The following SYNCRIP variants were observed in gnomAD, a reference collection of about 807,000 sequenced individuals.
SYNCRIP encodes synaptotagmin binding cytoplasmic RNA interacting protein, also known as heterogeneous nuclear ribonucleoprotein Q.
In SYNCRIP, 9 loss-of-function variants were observed where a neutral mutation model predicts 68.9. That is an observed-to-expected ratio of 0.13 (90% CI 0.08 to 0.23). SYNCRIP has a LOEUF of 0.23. Ranked by LOEUF, SYNCRIP falls within the 10% of genes least tolerant of loss-of-function variation. SYNCRIP has a pLI of 1.00. For missense variants in SYNCRIP, 414 were observed against 770.6 expected (o/e 0.54, Z 5.48); for synonymous variants, 258 against 254.0 (o/e 1.02, Z -0.15).
chr6:85,626,651 A>C (rs1426172228), intron 6 of SYNCRIP, among the ~76,000 whole-genome samples: 1 of 152,236 alleles, frequency 6.6e-6, no homozygotes, highest in Non-Finnish European at 1.5e-5. Flanking sequence ...CAGAGAATGG[A>C]AACATTCCAT....
At chr6:85,608,281 A>G (rs1804985246), downstream of SYNCRIP, 1 of 152,228 alleles carries the variant, frequency 6.6e-6, no homozygotes, top group South Asian at 2.1e-4. Flanking sequence ...GTGAAGAGTG[A>G]TGAATTGGAG....
At chr6:85,636,616 G>A (rs1013515864) in intron 6 of SYNCRIP, among the ~76,000 whole-genome samples, 1 of 152,096 alleles carries the variant, frequency 6.6e-6, no homozygotes, top group Non-Finnish European at 1.5e-5. Context: ...TTAAGAAAAA[G>A]AGATGGCTCA....
intron 6 of SYNCRIP, among the ~76,000 whole-genome samples, chr6:85,635,226 C>T (rs1311031320): frequency 6.6e-6 from 1 of 152,022 alleles, no homozygotes; most frequent in Non-Finnish European, 1.5e-5. Flanking sequence ...CTCTAAAATG[C>T]CCCTCCCCTC....
At chr6:85,612,604 T>C (rs1053200737), downstream of SYNCRIP, 4 of 275,944 alleles carry the variant, frequency 1.4e-5, no homozygotes, top group Admixed American at 1.5e-4. Flanking sequence ...TTTATTAAGA[T>C]ACCATGCTAG....
intron 6 of SYNCRIP, among the ~76,000 whole-genome samples, chr6:85,627,463 T>C (rs1312402265): frequency 6.6e-6 from 1 of 152,080 alleles, no homozygotes; most frequent in Non-Finnish European, 1.5e-5. Flanking sequence ...GCTTTTTTTG[T>C]ACGTGTATTT....
chr6:85,616,710 G>A (rs889630816), intron 10 of SYNCRIP, among the ~76,000 whole-genome samples: 6 of 152,040 alleles, frequency 3.9e-5, no homozygotes, highest in African/African-American at 7.2e-5. Flanking sequence ...ATGTTATTCC[G>A]GTTCACTAGG....
At chr6:85,641,496 G>C (rs73485412) in intron 1 of SYNCRIP, 45 bp from the exon 2 acceptor site, 5 of 1,573,750 alleles carry the variant, frequency 3.2e-6, no homozygotes, top group Non-Finnish European at 4.3e-6. Context: ...TCTTCAAAAA[G>C]AATACAAGAC....
At chr6:85,637,392 C>T in intron 4 of SYNCRIP, 36 bp from the exon 5 acceptor site, 1 of 1,277,466 alleles carries the variant, frequency 7.8e-7, no homozygotes, top group Non-Finnish European at 1.1e-6. Flanking sequence ...ACATTTAATT[C>T]ACTAGACCAC....
At chr6:85,609,497 T>C (rs1805081553), downstream of SYNCRIP, 1 of 151,972 alleles carries the variant, frequency 6.6e-6, no homozygotes, top group East Asian at 1.9e-4. Context: ...TCACAGTAAC[T>C]GGTAGAAAAG....
intron 6 of SYNCRIP, among the ~76,000 whole-genome samples, chr6:85,626,518 A>T (rs1323746295): frequency 6.6e-6 from 1 of 152,204 alleles, no homozygotes; most frequent in Non-Finnish European, 1.5e-5. Context: ...ATTAACTATA[A>T]GAAAATACCT....
chr6:85,630,016 G>C (rs1192446599), intron 6 of SYNCRIP, among the ~76,000 whole-genome samples: 1 of 151,236 alleles, frequency 6.6e-6, no homozygotes, highest in Non-Finnish European at 1.5e-5. Context: ...CATCATGACA[G>C]TATACATAAC....
chr6:85,634,202 G>A (rs1583302191), intron 6 of SYNCRIP, among the ~76,000 whole-genome samples: 1 of 152,154 alleles, frequency 6.6e-6, no homozygotes, highest in Admixed American at 6.5e-5. Context: ...CAAGGCAATT[G>A]TACAAATGGA....
intron 10 of SYNCRIP, among the ~76,000 whole-genome samples, chr6:85,616,534 G>A (rs756977360): frequency 5.3e-5 from 8 of 152,092 alleles, no homozygotes; most frequent in Non-Finnish European, 1.2e-4. Context: ...ATGTTGGCCA[G>A]GCTGGTCTCG....
At chr6:85,628,192 A>G (rs183972100) in intron 6 of SYNCRIP, among the ~76,000 whole-genome samples, 143 of 152,228 alleles carry the variant, frequency 9.4e-4, no homozygotes, top group Middle Eastern at 3.4e-3. Flanking sequence ...AGTAGCTGGG[A>G]CCACAGGCGT....
intron 10 of SYNCRIP, among the ~76,000 whole-genome samples, chr6:85,616,709 C>T (rs1414468624): frequency 2.6e-5 from 4 of 152,084 alleles, no homozygotes; most frequent in South Asian, 4.1e-4. Flanking sequence ...AATGTTATTC[C>T]GGTTCACTAG....
At chr6:85,637,399 C>T (rs770488202) in intron 4 of SYNCRIP, 43 bp from the exon 5 acceptor site, 2 of 1,245,460 alleles carry the variant, frequency 1.6e-6, no homozygotes, top group South Asian at 1.3e-5. Context: ...ATTCACTAGA[C>T]CACACCCATA....
upstream of SYNCRIP, chr6:85,643,038 T>G (rs534303588): frequency 5.9e-5 from 7 of 118,670 alleles, no homozygotes; most frequent in Admixed American, 2.8e-4. Flanking sequence ...CCCTCGCGCG[T>G]CCGCTTCACT....
intron 6 of SYNCRIP, among the ~76,000 whole-genome samples, chr6:85,631,675 C>G (rs1370377926): frequency 6.6e-6 from 1 of 152,198 alleles, no homozygotes; most frequent in Admixed American, 6.5e-5. Context: ...TCTTTTAACA[C>G]TACCTAAACC....
At chr6:85,637,913 G>GGACA (rs1808641918) in intron 4 of SYNCRIP, among the ~76,000 whole-genome samples, 1 of 152,060 alleles carries the variant, frequency 6.6e-6, no homozygotes, top group Non-Finnish European at 1.5e-5. Context: ...GGATAGCATG[G>GGACA]GTCCTTCAGA....
Sources: allele counts gnomAD v4.1 joint callset (sites outside exome capture counted in the v4.1 genomes callset), GRCh38; gene constraint gnomAD v4.1.1; transcripts MANE v1.5; gene names NCBI Gene and HGNC (gene_info 2026-07-23, HGNC 2026-07-21).